The following DNA2 variants were observed in gnomAD, a reference collection of about 807,000 sequenced individuals.
DNA2 encodes the protein DNA replication ATP-dependent helicase/nuclease DNA2.
Under a neutral mutation model 119.1 loss-of-function variants are expected in DNA2, and 101 were observed. The ratio of observed to expected loss-of-function variants is 0.85; its 90% confidence interval spans 0.72 to 1.00. The LOEUF is 1.00. DNA2 is among the 50% of genes least tolerant of loss of function. The pLI is 0.00. For synonymous variants in DNA2, 366 were observed against 424.4 expected (o/e 0.86, Z 1.69); for missense variants, 1,121 against 1,255.5 (o/e 0.89, Z 1.62).
rs577628920 is a variant in DNA2, at chr10:68,446,560, T to C, written c.940-147A>G. Reference sequence around the variant, plus strand: ...GTAACATGAGCCAAATTGGTAAAGATAACACAACAAATTTGATGTCAAACA... The same window carrying C: ...GTAACATGAGCCAAATTGGTAAAGACAACACAACAAATTTGATGTCAAACA... On this transcript the variant is annotated intron_variant, in intron 6 of 20. Coordinates refer to ENST00000358410, the MANE Select transcript of DNA2 (RefSeq NM_001080449.3). 7.5e-5 allele frequency: 46 copies of C among 615,662 alleles called. No homozygotes were observed. In the South Asian group the frequency reaches 8.1e-4, roughly 11 times the overall value. 38.1% of individuals were successfully genotyped at this position (615,662 alleles called of 1,614,324 possible).
chr10:68,456,914 T>G (rs564086148), intron 5 of DNA2, among the ~76,000 whole-genome samples: 1 of 150,684 alleles, frequency 6.6e-6, no homozygotes, highest in Non-Finnish European at 1.5e-5. Context: ...GTGGGCGGAT[T>G]ACAAGGTCAG....
chr10:68,443,658 T>C (rs1394534567), intron 8 of DNA2, among the ~76,000 whole-genome samples: 2 of 152,168 alleles, frequency 1.3e-5, no homozygotes, highest in East Asian at 3.8e-4. Context: ...TTAAAAAGTA[T>C]TTATATGAGG....
Position 68,422,784 on chromosome 10 carries a change from C to A in DNA2, c.2315G>T (p.Cys772Phe). 6.2e-7 allele frequency: 1 copy of A among 1,610,610 alleles called. No individual in the cohort carries two copies. Among genetic ancestry groups the A allele is most frequent in the Non-Finnish European group, 8.5e-7 (1 of 1,179,212 alleles). The change falls in exon 15 of 21, where the codon TGT (cysteine) becomes TTT (phenylalanine). Residue 772 changes from cysteine (C) to phenylalanine (F), a missense_variant. Coordinates refer to ENST00000358410, the MANE Select transcript of DNA2 (RefSeq NM_001080449.3). ...DEASQISQPI[C>F]LGPLFFSRRF... is the part of the protein sequence containing the mutation. ...CCGTGAAAAAAAAAGGGGGCCCAGACAAATTGGTTGGCTAATTTGAGAGGC... is the reference window on the plus strand; with the variant it reads ...CCGTGAAAAAAAAAGGGGGCCCAGAAAAATTGGTTGGCTAATTTGAGAGGC...
rs1163379470 is a variant in DNA2, at chr10:68,436,591, C to T, written c.1646+420G>A. On this transcript the variant is annotated intron_variant, in intron 10 of 20. Coordinates refer to ENST00000358410, the MANE Select transcript of DNA2 (RefSeq NM_001080449.3). ...GATCAATTTTGTTATATGAATTTTACCTCAATTTATTTAAAATAAAAAGAA... is the reference window on the plus strand; with the variant it reads ...GATCAATTTTGTTATATGAATTTTATCTCAATTTATTTAAAATAAAAAGAA... 2.0e-5 allele frequency among the ~76,000 whole-genome samples: 3 copies of T among 152,256 alleles called. No individual in the cohort carries two copies. The East Asian group carries it at 5.8e-4, about 29-fold the overall frequency.
intron 9 of DNA2, among the ~76,000 whole-genome samples, chr10:68,441,335 T>TAAAAAAA: frequency 8.3e-6 from 1 of 121,114 alleles, no homozygotes; most frequent in Non-Finnish European, 1.8e-5. Flanking sequence ...CCCTGTCTCT[T>TAAAAAAA]AAAAAAAAAA....
At chr10:68,424,618 A>G in intron 14 of DNA2, 19 of 1,494,168 alleles carry the variant, frequency 1.3e-5, no homozygotes, top group Non-Finnish European at 1.8e-5. Context: ...CGTCACTTCC[A>G]TGCCCCCTTG....
At chr10:68,464,422 G>A (rs947051151) in intron 4 of DNA2, among the ~76,000 whole-genome samples, 7 of 152,064 alleles carry the variant, frequency 4.6e-5, no homozygotes, top group Non-Finnish European at 8.8e-5. Context: ...GGCTGAGGCA[G>A]GAAAATTGCT....
intron 6 of DNA2, among the ~76,000 whole-genome samples, chr10:68,447,941 G>A (rs1477124875): frequency 6.7e-5 from 10 of 148,520 alleles, no homozygotes; most frequent in Non-Finnish European, 1.5e-4. Flanking sequence ...CCGAGATCGC[G>A]CCACTGCACT....
At chr10:68,463,208 G>A (rs1231002456) in intron 4 of DNA2, among the ~76,000 whole-genome samples, 1 of 152,038 alleles carries the variant, frequency 6.6e-6, no homozygotes, top group African/African-American at 2.4e-5. Context: ...ACTTTGGGAG[G>A]CCGAAGCGGG....
chr10:68,434,990 T>C (rs1299857606), intron 10 of DNA2, among the ~76,000 whole-genome samples: 1 of 152,214 alleles, frequency 6.6e-6, no homozygotes, highest in Non-Finnish European at 1.5e-5. Flanking sequence ...ACAATCCATC[T>C]GACTGTGAAA....
chr10:68,452,565 G>A (rs577759874), intron 5 of DNA2, among the ~76,000 whole-genome samples: 4 of 146,608 alleles, frequency 2.7e-5, no homozygotes, highest in Non-Finnish European at 4.4e-5. Flanking sequence ...AAGCAATGTG[G>A]CTTTATTATT....
intron 6 of DNA2, among the ~76,000 whole-genome samples, chr10:68,447,354 C>T (rs1309928863): frequency 1.3e-5 from 2 of 151,652 alleles, no homozygotes; most frequent in Non-Finnish European, 2.9e-5. Flanking sequence ...CCTGTCTCTA[C>T]TAAAAATACA....
intron 9 of DNA2, among the ~76,000 whole-genome samples, chr10:68,441,113 A>G (rs943679214): frequency 6.6e-6 from 1 of 152,004 alleles, no homozygotes; most frequent in Non-Finnish European, 1.5e-5. Context: ...TGGGAGGATC[A>G]CTTGAGGCCA....
In DNA2 at chr10:68,446,366, C is replaced by G. The variant is rs1405930792; in HGVS notation, c.987G>C (p.Glu329Asp). The G allele has an allele frequency of 1.3e-6, 2 of 1,598,980 alleles. No individual in the cohort carries two copies. Among genetic ancestry groups the G allele is most frequent in the South Asian group, 1.1e-5 (1 of 88,176 alleles). Reference protein sequence around the residue: ...LLSQERRADPEAGLLLYLKTG... With the variant: ...LLSQERRADPDAGLLLYLKTG... ...TCTTGAGGTAGAGAAGCAAGCCAGC[C>G]TCTGGATCAGCTCTTCTCTCTTGGC... Residue 329 changes from glutamate to aspartate, a missense_variant, in exon 7 of 21, where the codon GAG becomes GAC. Transcript: ENST00000358410.
intron 5 of DNA2, among the ~76,000 whole-genome samples, chr10:68,453,610 G>A (rs539783005): frequency 6.6e-6 from 1 of 152,160 alleles, no homozygotes; most frequent in African/African-American, 2.4e-5. Flanking sequence ...CCATTGCCTA[G>A]TGACATCTAG....
rs1208083120 is a variant in DNA2 at position 68,437,018 on chromosome 10, A to G, written c.1639T>C (p.Leu547=). ...AAAGTAACATTTCATTACCTGTCTA[A>G]TAAACAAGTTACTGTTGTCATGTTA... ...EINMTTVTCL[L]DRNLSVLPES... Residue 547 remains leucine (L), a synonymous_variant, in exon 10 of 21, where the codon TTA becomes CTA. Transcript: ENST00000358410. The G allele has an allele frequency of 1.2e-6, 2 of 1,607,530 alleles. No homozygotes were observed. The highest frequency in any genetic ancestry group is 4.5e-5 in the East Asian group (2 of 44,810).
chr10:68,432,010 G>A (rs745639863), intron 12 of DNA2, 39 bp from the exon 13 acceptor site: 1 of 1,459,670 alleles, frequency 6.9e-7, no homozygotes, highest in South Asian at 1.2e-5. Context: ...AAAGAGTGTT[G>A]AATTTCAAAG....
At position 68,442,940 on chromosome 10, in the gene DNA2, G is replaced by T. The variant is rs374387690; in HGVS notation, c.1392C>A (p.Ile464=). The T allele has an allele frequency of 4.3e-6, 7 of 1,612,454 alleles. No individual in the cohort carries two copies. Among genetic ancestry groups the T allele is most frequent in the Non-Finnish European group, 5.9e-6 (7 of 1,179,426 alleles). ...SKDNKKNHQN[I]WLMPASEMEK... ...ACATTTCCGAAGCAGGCATTAGCCA[G>T]ATATTTTGGTGATTCTTTTTATTAT... The change falls in exon 9 of 21, where the codon ATC becomes ATA. Residue 464 remains isoleucine, a synonymous_variant. Transcript: ENST00000358410.
intron 19 of DNA2, among the ~76,000 whole-genome samples, chr10:68,417,506 T>TA (rs2051607625): frequency 1.3e-5 from 2 of 148,998 alleles, no homozygotes; most frequent in East Asian, 4.1e-4. Context: ...ATACAAAACT[T>TA]AACTGGGTAT....
Sources: gnomAD v4.1 joint callset for allele counts (sites outside exome capture counted in the v4.1 genomes callset) on GRCh38, gnomAD v4.1.1 for gene constraint, MANE v1.5 for transcripts, NCBI Gene and HGNC (gene_info 2026-07-23, HGNC 2026-07-21) for gene names.